SLC35D2: variants seen among roughly 807,000 people sequenced by gnomAD.
SLC35D2 encodes the protein nucleotide sugar transporter SLC35D2.
In SLC35D2, 43 loss-of-function variants were observed where a neutral mutation model predicts 41.8. That is an observed-to-expected ratio of 1.03 (90% CI 0.81 to 1.33). The LOEUF (loss-of-function observed/expected upper bound fraction) is 1.33. Among genes scored for constraint, SLC35D2 ranks in the 40% most tolerant of loss-of-function variants. SLC35D2 has a pLI of 0.00. For missense variants in SLC35D2, 380 were observed against 408.4 expected, an observed-to-expected ratio of 0.93 and a Z score of 0.60; for synonymous variants, 150 against 163.9, an observed-to-expected ratio of 0.92 and a Z score of 0.65.
At chr9:96,361,876 A>G (rs1206769283) in intron 3 of SLC35D2, among the ~76,000 whole-genome samples, 1 of 152,084 alleles carries the variant, frequency 6.6e-6, no homozygotes, top group Non-Finnish European at 1.5e-5. Flanking sequence ...AGCCTCCAGA[A>G]CTGTGAGGAG....
chr9:96,349,787 A>G (rs553199453), intron 6 of SLC35D2, among the ~76,000 whole-genome samples: 2 of 152,238 alleles, frequency 1.3e-5, no homozygotes, highest in South Asian at 2.1e-4. Context: ...GGGCCTCCCA[A>G]TCGCTGGGAT....
intron 2 of SLC35D2, among the ~76,000 whole-genome samples, chr9:96,366,524 T>C (rs1315605570): frequency 6.8e-6 from 1 of 146,186 alleles, no homozygotes; most frequent in African/African-American, 2.5e-5. Flanking sequence ...CTGATTTTTT[T>C]TTTTTTTTTT....
chr9:96,330,254 C>T (rs1027417625), intron 9 of SLC35D2, among the ~76,000 whole-genome samples: 24 of 152,344 alleles, frequency 1.6e-4, no homozygotes, highest in African/African-American at 5.5e-4. Flanking sequence ...GAGGGCAAAT[C>T]CTCCCCACCT....
intron 8 of SLC35D2, among the ~76,000 whole-genome samples, chr9:96,343,331 A>G (rs1829425440): frequency 6.6e-6 from 1 of 152,162 alleles, no homozygotes; most frequent in Non-Finnish European, 1.5e-5. Flanking sequence ...CAAAATTCAA[A>G]TGTGGATCCT....
At position 96,360,168 on chromosome 9, in the gene SLC35D2, G is replaced by A. The variant is rs748309846; in HGVS notation, c.333C>T (p.Ser111=). Reference sequence around the variant, plus strand: ...CTATACTCTACCTTAATTTACTTGTGCTTGATAATCCACTTATGTGGTTTC... The same window carrying A: ...CTATACTCTACCTTAATTTACTTGTACTTGATAATCCACTTATGTGGTTTC... ...YVGNHISGLS[S]TSKLSLPMFT... The change falls in exon 4 of 12, where the codon AGC becomes AGT. Residue 111 remains serine, a synonymous_variant. Coordinates refer to ENST00000253270, the MANE Select transcript of SLC35D2 (RefSeq NM_007001.3). 1.2e-6 allele frequency: 2 copies of A among 1,612,124 alleles called. No individual in the cohort carries two copies. The highest frequency in any genetic ancestry group is 1.7e-6 in the Non-Finnish European group (2 of 1,178,628).
intron 9 of SLC35D2, among the ~76,000 whole-genome samples, chr9:96,324,838 A>G (rs1828443409): frequency 6.6e-6 from 1 of 151,640 alleles, no homozygotes; most frequent in African/African-American, 2.4e-5. Context: ...TACAGGCGTG[A>G]GCCACCGCGC....
intron 1 of SLC35D2, among the ~76,000 whole-genome samples, chr9:96,379,306 CAAA>C (rs35181002): frequency 8.2e-6 from 1 of 122,400 alleles, no homozygotes. Flanking sequence ...GACCCTGTCT[CAAA>C]AAAAAAAAAA....
chr9:96,373,484 C>T (rs952805860), intron 1 of SLC35D2, among the ~76,000 whole-genome samples: 1 of 151,864 alleles, frequency 6.6e-6, no homozygotes, highest in African/African-American at 2.4e-5. Context: ...GTCAGGAGTT[C>T]GAGACCAGCC....
Position 96,321,193 on chromosome 9 carries a change from C to CT in SLC35D2, c.*48_*49insA, listed in dbSNP as rs758540439. ...GGCTTCACATTCCTACTGGGAATGC[C>CT]CCCCCAGCCCGCAGTCACAAGTCAG... On this transcript the variant is annotated 3_prime_UTR_variant, in exon 12 of 12. Transcript: ENST00000253270. The CT allele has an allele frequency of 2.1e-6, 3 of 1,396,140 alleles. No individual in the cohort carries two copies. In the South Asian group the frequency reaches 3.5e-5, roughly 17 times the overall value. The allele number at this position is 1,396,140 out of a possible 1,614,324, so 86.5% of individuals were successfully genotyped here.
In SLC35D2 at chr9:96,321,343, T is replaced by A. The variant is rs1206122070; in HGVS notation, c.915-2A>T. Reference sequence around the variant, plus strand: ...GAATATCTCAAGCCCCCTGCCATGCTGAAAGGAGAAAAAAAAGTGAAAATA... The same window carrying A: ...GAATATCTCAAGCCCCCTGCCATGCAGAAAGGAGAAAAAAAAGTGAAAATA... On this transcript the variant is annotated splice_acceptor_variant, in intron 11 of 11. Coordinates refer to ENST00000253270, the MANE Select transcript of SLC35D2 (RefSeq NM_007001.3). LOFTEE classifies it high-confidence loss of function. The A allele has an allele frequency of 6.2e-7, 1 of 1,609,072 alleles. No individual in the cohort carries two copies. Among genetic ancestry groups the A allele is most frequent in the Non-Finnish European group, 8.5e-7 (1 of 1,177,076 alleles).
rs768898309 is a variant in SLC35D2, at chr9:96,352,133, G to A, written c.348-24C>T. On this transcript the variant is annotated intron_variant, in intron 4 of 11. Transcript: ENST00000253270. ...GGCTGCCAGGAAAAGAGTGAAGCATGTCAGACACCAAGGGTTGGTTGATTG... is the reference window on the plus strand; with the variant it reads ...GGCTGCCAGGAAAAGAGTGAAGCATATCAGACACCAAGGGTTGGTTGATTG... The A allele has an allele frequency of 1.9e-6, 3 of 1,554,112 alleles. No individual in the cohort carries two copies. In the South Asian group the frequency reaches 3.4e-5, roughly 18 times the overall value.
Position 96,320,824 on chromosome 9 carries a change from G to A in SLC35D2, c.*418C>T, listed in dbSNP as rs1828181063. The A allele has an allele frequency of 6.5e-6, 1 of 154,738 alleles. No individual in the cohort carries two copies. The highest frequency in any genetic ancestry group is 1.4e-5 in the Non-Finnish European group (1 of 69,908). 9.6% of individuals were successfully genotyped at this position (154,738 alleles called of 1,614,324 possible). On this transcript the variant is annotated 3_prime_UTR_variant, in exon 12 of 12. Transcript: ENST00000253270. ...ACTAATTTTATTAGACTAAAGACAT[G>A]TCTGTTTAAACTGAAACAACTGGCC...
intron 3 of SLC35D2, 45 bp from the exon 4 acceptor site, chr9:96,360,266 T>A: frequency 7.0e-7 from 1 of 1,419,452 alleles, no homozygotes; most frequent in East Asian, 2.3e-5. Flanking sequence ...AGAACTCCAA[T>A]AAGCATTTTC....
At position 96,382,386 on chromosome 9, in the gene SLC35D2, C is replaced by A. The variant is rs1005865453; in HGVS notation, c.158+1091G>T. ...GAAGGATTGCTTGAACCCAGATGGT[C>A]GAGGCTGCAGTGAGTCATGATTGTG... On this transcript the variant is annotated intron_variant, in intron 1 of 11. Transcript: ENST00000253270. Among the ~76,000 whole-genome samples the A allele has an allele frequency of 2.6e-5, 4 of 151,270 alleles. No individual in the cohort carries two copies. In the Admixed American group the frequency reaches 2.6e-4, roughly 10 times the overall value.
chr9:96,318,797 CAAAAT>C (rs1330910438), downstream of SLC35D2, among the ~76,000 whole-genome samples: 2 of 151,956 alleles, frequency 1.3e-5, no homozygotes, highest in Non-Finnish European at 2.9e-5. Flanking sequence ...TCTCTAAAAA[CAAAAT>C]AAAATAAAAA....
chr9:96,353,530 G>T (rs1488194396), intron 4 of SLC35D2, among the ~76,000 whole-genome samples: 1 of 152,114 alleles, frequency 6.6e-6, no homozygotes, highest in African/African-American at 2.4e-5. Context: ...ATTTTTAGTA[G>T]AAATGAAGTT....
At chr9:96,333,813 C>T (rs1377411301) in intron 9 of SLC35D2, among the ~76,000 whole-genome samples, 2 of 152,114 alleles carry the variant, frequency 1.3e-5, no homozygotes, top group Non-Finnish European at 2.9e-5. Flanking sequence ...AAGCCAATAT[C>T]TCATCAAGTT....
chr9:96,369,189 T>C (rs1830588703), intron 1 of SLC35D2, among the ~76,000 whole-genome samples: 1 of 152,106 alleles, frequency 6.6e-6, no homozygotes, highest in African/African-American at 2.4e-5. Flanking sequence ...TAGTGATTCA[T>C]TATACTAGTT....
intron 1 of SLC35D2, among the ~76,000 whole-genome samples, chr9:96,382,839 T>C (rs1402519772): frequency 2.0e-5 from 3 of 152,206 alleles, no homozygotes; most frequent in Non-Finnish European, 4.4e-5. Flanking sequence ...AAAAAATTGC[T>C]GACTGTGAGA....
Sources: gnomAD v4.1 joint callset for allele counts (sites outside exome capture counted in the v4.1 genomes callset) on GRCh38, gnomAD v4.1.1 for gene constraint, MANE v1.5 for transcripts, NCBI Gene and HGNC (gene_info 2026-07-23, HGNC 2026-07-21) for gene names.